The following CNTNAP2 variants were observed in gnomAD, a reference collection of about 807,000 sequenced individuals.
CNTNAP2 encodes contactin-associated protein-like 2.
Under a neutral mutation model 155.2 loss-of-function variants are expected in CNTNAP2, and 98 were observed. The observed-to-expected ratio is 0.63, with a 90% CI of 0.54 to 0.75. CNTNAP2 has a LOEUF of 0.75. Among genes scored for constraint, CNTNAP2 ranks in the 30% least tolerant of loss-of-function variants. CNTNAP2 has a pLI of 0.00. For synonymous variants in CNTNAP2, 651 were observed against 631.2 expected (o/e 1.03, Z -0.47); for missense variants, 1,727 against 1,688.1 (o/e 1.02, Z -0.40).
chr7:146,151,799 T>C (rs77922179), intron 1 of CNTNAP2, among the ~76,000 whole-genome samples: 2,206 of 148,596 alleles, frequency 0.015, 22 homozygotes, highest in Middle Eastern at 0.028. Flanking sequence ...CTACAAATTT[T>C]ATTTTACCAT....
intron 9 of CNTNAP2, among the ~76,000 whole-genome samples, chr7:147,339,203 AAT>A (rs1491340393): frequency 8.0e-6 from 1 of 124,684 alleles, no homozygotes; most frequent in African/African-American, 3.7e-5. Flanking sequence ...TTCCAAAAAA[AAT>A]GATATTAAAA....
At chr7:147,365,678 ATT>A (rs1361427282) in intron 9 of CNTNAP2, among the ~76,000 whole-genome samples, 1 of 152,086 alleles carries the variant, frequency 6.6e-6, no homozygotes, top group Non-Finnish European at 1.5e-5. Context: ...CACTTTCTAG[ATT>A]TACATTATAG....
intron 18 of CNTNAP2, among the ~76,000 whole-genome samples, chr7:148,175,459 T>C (rs1794916793): frequency 6.6e-6 from 1 of 152,122 alleles, no homozygotes; most frequent in Admixed American, 6.5e-5. Context: ...AGGTGAAAAT[T>C]TTATGTAATT....
At chr7:147,467,595 G>A (rs542662431) in intron 10 of CNTNAP2, among the ~76,000 whole-genome samples, 3 of 152,286 alleles carry the variant, frequency 2.0e-5, no homozygotes, top group South Asian at 2.1e-4. Context: ...CCATTTGGGC[G>A]ACGGATACAT....
chr7:146,272,100 G>GA (rs1441710352), intron 1 of CNTNAP2, among the ~76,000 whole-genome samples: 3 of 152,142 alleles, frequency 2.0e-5, no homozygotes, highest in Non-Finnish European at 4.4e-5. Context: ...ATTTACAAAG[G>GA]AAAGAGTTTT....
chr7:147,272,546 T>C (rs936430324), intron 8 of CNTNAP2, among the ~76,000 whole-genome samples: 1 of 152,154 alleles, frequency 6.6e-6, no homozygotes, highest in Non-Finnish European at 1.5e-5. Flanking sequence ...TCGCCCAGGC[T>C]GGAGTGCAGT....
In CNTNAP2 at chr7:147,381,386, C is replaced by G. The variant is rs144400369; in HGVS notation, c.1499-14223C>G. ...CATAGTAATTAAGCAAATGTTTACA[C>G]TTATAAGAAAAAATCAGTAAGACAA... On this transcript the variant is annotated intron_variant, in intron 9 of 23. Transcript: ENST00000361727. Among the ~76,000 whole-genome samples, 6 of 152,110 alleles carry G rather than the reference C, an allele frequency of 3.9e-5. No homozygotes were observed. The East Asian group carries it at 9.7e-4, about 24-fold the overall frequency.
chr7:146,881,892 G>A (rs984575363), intron 3 of CNTNAP2, among the ~76,000 whole-genome samples: 2 of 151,506 alleles, frequency 1.3e-5, no homozygotes, highest in African/African-American at 4.9e-5. Context: ...GAGGTTTGAA[G>A]CACAAATATA....
At chr7:146,508,073 T>A (rs1797411340) in intron 1 of CNTNAP2, among the ~76,000 whole-genome samples, 1 of 152,216 alleles carries the variant, frequency 6.6e-6, no homozygotes, top group Admixed American at 6.5e-5. Flanking sequence ...TCCACCATCA[T>A]CTTCCAAGTT....
At chr7:147,352,656 C>T (rs776000419) in intron 9 of CNTNAP2, among the ~76,000 whole-genome samples, 2 of 151,954 alleles carry the variant, frequency 1.3e-5, no homozygotes, top group Admixed American at 6.6e-5. Context: ...CTTTCTCTTT[C>T]TTAAAAACAT....
At chr7:147,139,789 T>G (rs986627048) in intron 8 of CNTNAP2, among the ~76,000 whole-genome samples, 1 of 152,118 alleles carries the variant, frequency 6.6e-6, no homozygotes, top group African/African-American at 2.4e-5. Flanking sequence ...CAGTATCATG[T>G]TTAGCCACAT....
chr7:148,054,447 CTTTTTTTTT>C (rs61157011), intron 15 of CNTNAP2, among the ~76,000 whole-genome samples: 10 of 73,076 alleles, frequency 1.4e-4, no homozygotes, highest in African/African-American at 5.4e-4. Context: ...TCTCAGTGGC[CTTTTTTTTT>C]TTTTTTTTTT....
intron 9 of CNTNAP2, among the ~76,000 whole-genome samples, chr7:147,302,398 T>C (rs1794961379): frequency 6.6e-6 from 1 of 152,246 alleles, no homozygotes; most frequent in African/African-American, 2.4e-5. Context: ...TATGGTGTGC[T>C]ATTTACATCA....
intron 13 of CNTNAP2, among the ~76,000 whole-genome samples, chr7:147,675,772 G>A (rs1366795690): frequency 1.3e-5 from 2 of 151,930 alleles, no homozygotes; most frequent in East Asian, 1.9e-4. Flanking sequence ...TATTTTAGAG[G>A]GATTCAGGTG....
chr7:147,490,672 G>A (rs983672037), intron 11 of CNTNAP2, among the ~76,000 whole-genome samples: 12 of 152,186 alleles, frequency 7.9e-5, no homozygotes, highest in Admixed American at 7.9e-4. Flanking sequence ...TGGAGTTTGA[G>A]CATTGCTACA....
intron 13 of CNTNAP2, among the ~76,000 whole-genome samples, chr7:147,872,521 T>C (rs1055295877): frequency 6.6e-6 from 1 of 152,232 alleles, no homozygotes; most frequent in Non-Finnish European, 1.5e-5. Context: ...TGGGCAAATC[T>C]GGAGATGAGC....
At chr7:147,020,905 C>T (rs1022602895) in intron 3 of CNTNAP2, among the ~76,000 whole-genome samples, 1 of 152,088 alleles carries the variant, frequency 6.6e-6, no homozygotes, top group African/African-American at 2.4e-5. Flanking sequence ...AATGTAGTTT[C>T]ATGTTCTTAG....
Position 146,293,993 on chromosome 7 carries a change from C to T in CNTNAP2, c.97+177020C>T, listed in dbSNP as rs139215155. 4.2e-3 allele frequency among the ~76,000 whole-genome samples: 633 copies of T among 152,064 alleles called. 4 individuals are homozygous for T. The highest frequency in any genetic ancestry group is 0.015 in the African/African-American group (613 of 41,482). ...TTTGTTCTAGGAGGAGCACTGATGG[C>T]AGTTTCTGAAAAGATTTCCGTGACA... On this transcript the variant is annotated intron_variant, in intron 1 of 23. Transcript: ENST00000361727.
At chr7:146,680,992 A>G (rs1036742187) in intron 1 of CNTNAP2, among the ~76,000 whole-genome samples, 1 of 152,174 alleles carries the variant, frequency 6.6e-6, no homozygotes, top group Admixed American at 6.5e-5. Flanking sequence ...AGGTTAATCA[A>G]AGTTTGACAC....
Sources: allele counts gnomAD v4.1 joint callset (sites outside exome capture counted in the v4.1 genomes callset), GRCh38; gene constraint gnomAD v4.1.1; transcripts MANE v1.5; gene names NCBI Gene and HGNC (gene_info 2026-07-23, HGNC 2026-07-21).